Variants in COXFA4L3 observed in about 807,000 individuals in gnomAD.
COXFA4L3 encodes the protein cytochrome c oxidase associated subunit FA4L3.
At chr15:45,432,617 G>A in the COXFA4L3 span, among the ~76,000 whole-genome samples, 13,693 of 152,198 alleles carry the variant, frequency 0.09, 2,061 homozygotes, top group African/African-American at 0.31. Context: ...GTGAGTTGCA[G>A]TTGTGCCACT....
the COXFA4L3 span, chr15:45,431,963 C>A: frequency 0.026 from 21,856 of 854,294 alleles, 2,963 homozygotes; most frequent in African/African-American, 0.31. Flanking sequence ...TTAGCAGACA[C>A]ATGCCTTAGT....
the COXFA4L3 span, chr15:45,432,919 GTTT>G: frequency 8.3e-7 from 1 of 1,208,868 alleles, no homozygotes; most frequent in Non-Finnish European, 1.1e-6. Flanking sequence ...TTAACAAAAG[GTTT>G]TTTTTTTTTC....
At chr15:45,432,877 G>A in the COXFA4L3 span, 22 of 1,334,872 alleles carry the variant, frequency 1.6e-5, no homozygotes, top group Middle Eastern at 2.5e-4. Flanking sequence ...GGACAAATCC[G>A]AAAGAGGGAC....
At chr15:45,430,969 C>T in the COXFA4L3 span, 2 of 1,603,422 alleles carry the variant, frequency 1.2e-6, no homozygotes, top group African/African-American at 2.7e-5. Flanking sequence ...TTGAAGTGTC[C>T]AAATGTGTCC....
At chr15:45,431,289 A>C in the COXFA4L3 span, 2 of 437,538 alleles carry the variant, frequency 4.6e-6, no homozygotes, top group Non-Finnish European at 4.0e-6. Flanking sequence ...TTAGAAAAAA[A>C]AAAGAAAAAA....
chr15:45,431,481 A>C, the COXFA4L3 span, among the ~76,000 whole-genome samples: 4 of 152,084 alleles, frequency 2.6e-5, no homozygotes, highest in African/African-American at 7.2e-5. Context: ...ATTTTAATTA[A>C]AATTTTAAAT....
chr15:45,430,996 G>C, the COXFA4L3 span: 1 of 1,613,494 alleles, frequency 6.2e-7, no homozygotes, highest in South Asian at 1.1e-5. Flanking sequence ...CCTGTTATTT[G>C]TTAGCTCATT....
the COXFA4L3 span, chr15:45,432,933 C>CT: frequency 6.3e-7 from 1 of 1,576,262 alleles, no homozygotes; most frequent in Non-Finnish European, 8.6e-7. Context: ...TTTTTTTTTC[C>CT]TTTTTTCTCT....
the COXFA4L3 span, chr15:45,432,919 G>GTTT: frequency 5.8e-6 from 7 of 1,208,690 alleles, no homozygotes; most frequent in Non-Finnish European, 7.9e-6. Context: ...TTAACAAAAG[G>GTTT]TTTTTTTTTT....
chr15:45,431,092 T>C, the COXFA4L3 span: 11 of 1,608,744 alleles, frequency 6.8e-6, no homozygotes, highest in Non-Finnish European at 9.3e-6. Context: ...GTGATGTAAG[T>C]AGGTCTCAAT....
At chr15:45,432,598 G>C in the COXFA4L3 span, among the ~76,000 whole-genome samples, 2 of 152,184 alleles carry the variant, frequency 1.3e-5, no homozygotes, top group Non-Finnish European at 2.9e-5. Flanking sequence ...ATGGGAGGCG[G>C]AGGCTGCAGT....
At chr15:45,431,693 GAGCCCTGGAGTTCA>G in the COXFA4L3 span, among the ~76,000 whole-genome samples, 2 of 152,176 alleles carry the variant, frequency 1.3e-5, no homozygotes, top group Admixed American at 1.3e-4. Flanking sequence ...GAGGAGCCTA[GAGCCCTGGAGTTCA>G]CCACCTGCAG....
the COXFA4L3 span, chr15:45,431,014 T>A: frequency 1.2e-6 from 2 of 1,614,064 alleles, no homozygotes; most frequent in Non-Finnish European, 1.7e-6. Flanking sequence ...ATTCCCTTGG[T>A]GGTGTTCATG....
chr15:45,430,830 GA>G, the COXFA4L3 span: 1 of 1,610,332 alleles, frequency 6.2e-7, no homozygotes, highest in Non-Finnish European at 8.5e-7. Flanking sequence ...GAAAAGGAAG[GA>G]AGTAAGTTTT....
At chr15:45,432,045 T>G in the COXFA4L3 span, 4 of 1,603,330 alleles carry the variant, frequency 2.5e-6, no homozygotes, top group Non-Finnish European at 3.4e-6. Flanking sequence ...CATCTTTTAA[T>G]GTTTAATTGG....
the COXFA4L3 span, chr15:45,431,037 G>A: frequency 1.9e-6 from 3 of 1,614,134 alleles, no homozygotes; most frequent in South Asian, 3.3e-5. Flanking sequence ...TGTGGCGGCG[G>A]GTGGAGCCTC....
chr15:45,430,798 T>C, the COXFA4L3 span: 1 of 1,612,122 alleles, frequency 6.2e-7, no homozygotes, highest in Non-Finnish European at 8.5e-7. Context: ...GAAGTCATCA[T>C]GAGCTTTTTC....
At chr15:45,433,232 G>T in the COXFA4L3 span, 2 of 506,532 alleles carry the variant, frequency 3.9e-6, no homozygotes, top group Admixed American at 3.5e-5. Context: ...TTTGAATATT[G>T]CATATTGAAA....
chr15:45,430,951 G>A, the COXFA4L3 span: 1 of 1,578,624 alleles, frequency 6.3e-7, no homozygotes, highest in Non-Finnish European at 8.7e-7. Flanking sequence ...TGTTTCAAAT[G>A]TTTCATATTG....
Sources: allele counts gnomAD v4.1 joint callset (sites outside exome capture counted in the v4.1 genomes callset), GRCh38; gene constraint gnomAD v4.1.1; transcripts MANE v1.5; gene names NCBI Gene and HGNC (gene_info 2026-07-23, HGNC 2026-07-21).